Variants in GALNT2 observed in about 807,000 individuals in gnomAD.
The protein encoded by GALNT2 is UDP-GalNAc:polypeptide N-acetylgalactosaminyltransferase 2.
A neutral mutation model predicts 81.4 loss-of-function variants in GALNT2; 31 were observed. The observed-to-expected ratio is 0.38, with a 90% CI of 0.29 to 0.51. The LOEUF is 0.51. Ranked by LOEUF, GALNT2 falls within the 20% of genes least tolerant of loss-of-function variation. The pLI is 0.87. For missense variants in GALNT2, 629 were observed against 765.7 expected (o/e 0.82, Z 2.11); for synonymous variants, 303 against 287.4 (o/e 1.05, Z -0.55).
intron 3 of GALNT2, among the ~76,000 whole-genome samples, chr1:230,210,502 C>T (rs1056671143): frequency 2.0e-5 from 3 of 152,170 alleles, no homozygotes; most frequent in South Asian, 2.1e-4. Context: ...TTGTGTCTCA[C>T]GCTGAAATAC....
chr1:230,240,735 T>C (rs1289263022), intron 6 of GALNT2, among the ~76,000 whole-genome samples: 1 of 152,208 alleles, frequency 6.6e-6, no homozygotes, highest in African/African-American at 2.4e-5. Context: ...TGCTTCAAGT[T>C]TGCTGATGTA....
At chr1:230,241,249 C>A (rs1572126391) in intron 6 of GALNT2, among the ~76,000 whole-genome samples, 1 of 152,140 alleles carries the variant, frequency 6.6e-6, no homozygotes, top group East Asian at 1.9e-4. Flanking sequence ...TTTCCTGTTT[C>A]TTCTCATGTG....
chr1:230,125,324 A>G (rs1661140384), intron 1 of GALNT2, among the ~76,000 whole-genome samples: 1 of 152,218 alleles, frequency 6.6e-6, no homozygotes, highest in African/African-American at 2.4e-5. Flanking sequence ...TGTGGGGAGA[A>G]AGAAGGAATA....
chr1:230,275,610 TTATA>T lies in GALNT2; in HGVS notation c.1560+1049_1560+1052del, dbSNP rs1167064128. Among the ~76,000 whole-genome samples the T allele has an allele frequency of 6.7e-5, 10 of 149,350 alleles. No homozygotes were observed. In the South Asian group the frequency reaches 1.7e-3, roughly 25 times the overall value. On this transcript the variant is annotated intron_variant, in intron 15 of 15. Coordinates refer to ENST00000366672, the MANE Select transcript of GALNT2 (RefSeq NM_004481.5). This position sits in a 1 kb window ranked among gnomAD's most constrained non-coding sequence, Gnocchi z 5.5. The stretch of plus-strand genomic sequence containing the variant: ...ATATACATATAGATACATGCTACAT[TTATA>T]TAAACACCACATATATATACGCCAC...
At chr1:230,163,443 A>G (rs956161994) in intron 1 of GALNT2, among the ~76,000 whole-genome samples, 13 of 152,204 alleles carry the variant, frequency 8.5e-5, no homozygotes, top group Non-Finnish European at 1.9e-4. Context: ...TTCCAGCTGT[A>G]TGAGGGAGGT....
chr1:230,241,259 G>A (rs553710524), intron 6 of GALNT2, among the ~76,000 whole-genome samples: 32 of 152,140 alleles, frequency 2.1e-4, no homozygotes, highest in African/African-American at 7.5e-4. Flanking sequence ...CTTCTCATGT[G>A]TAGTGGTTTT....
intron 10 of GALNT2, among the ~76,000 whole-genome samples, chr1:230,252,903 G>C (rs1283453189): frequency 7.5e-6 from 1 of 133,262 alleles, no homozygotes; most frequent in Non-Finnish European, 1.5e-5. Context: ...CTGGAGTCCA[G>C]TGGCACATTC....
intron 7 of GALNT2, among the ~76,000 whole-genome samples, chr1:230,244,389 C>T (rs1419678034): frequency 6.6e-6 from 1 of 152,002 alleles, no homozygotes; most frequent in Non-Finnish European, 1.5e-5. Flanking sequence ...GCTTGCAAAG[C>T]CAGTTTCATT....
intron 15 of GALNT2, among the ~76,000 whole-genome samples, chr1:230,278,904 A>G (rs1306663356): frequency 6.6e-6 from 1 of 152,188 alleles, no homozygotes; most frequent in Non-Finnish European, 1.5e-5. Context: ...CTGGCCCTGC[A>G]TTGTGTGGAT....
At chr1:230,061,744 C>T (rs1270805808) in intron 1 of GALNT2, among the ~76,000 whole-genome samples, 2 of 152,122 alleles carry the variant, frequency 1.3e-5, no homozygotes, top group East Asian at 3.9e-4. Flanking sequence ...GTAACCAACT[C>T]AATTGTTTTC....
intron 14 of GALNT2, among the ~76,000 whole-genome samples, chr1:230,267,911 T>C (rs1387758142): frequency 3.3e-5 from 5 of 152,188 alleles, no homozygotes; most frequent in Non-Finnish European, 5.9e-5. Context: ...TCAGAGGTGA[T>C]GGAGGGCGCC....
chr1:230,129,184 A>G (rs72758292), intron 1 of GALNT2, among the ~76,000 whole-genome samples: 5 of 152,368 alleles, frequency 3.3e-5, no homozygotes, highest in African/African-American at 9.6e-5. Flanking sequence ...TGCTCAAAAT[A>G]GATTGTGTTG....
chr1:230,153,192 T>A (rs1357899435), intron 1 of GALNT2, among the ~76,000 whole-genome samples: 1 of 152,190 alleles, frequency 6.6e-6, no homozygotes, highest in Non-Finnish European at 1.5e-5. Flanking sequence ...GTCTGTGGAG[T>A]AGCTGAGACT....
chr1:230,081,461 T>A (rs1025130419), intron 1 of GALNT2, among the ~76,000 whole-genome samples: 2 of 151,212 alleles, frequency 1.3e-5, no homozygotes, highest in African/African-American at 4.9e-5. Context: ...TTTTTCAACA[T>A]CTTGAGCTGT....
At chr1:230,182,150 T>G (rs1032156409) in intron 2 of GALNT2, among the ~76,000 whole-genome samples, 8 of 152,018 alleles carry the variant, frequency 5.3e-5, no homozygotes, top group African/African-American at 1.9e-4. Flanking sequence ...TGGTTAGAGA[T>G]TCATTGATTT....
chr1:230,259,767 A>G (rs1357017986), intron 11 of GALNT2: 1 of 152,232 alleles, frequency 6.6e-6, no homozygotes, highest in Non-Finnish European at 1.5e-5. Flanking sequence ...CAGAAGCCTG[A>G]AAAGACATTA....
chr1:230,118,655 A>G (rs1264543991), intron 1 of GALNT2, among the ~76,000 whole-genome samples: 1 of 149,442 alleles, frequency 6.7e-6, no homozygotes, highest in Non-Finnish European at 1.5e-5. Context: ...AGCCTCAACT[A>G]TTTTTTGCCT....
intron 3 of GALNT2, among the ~76,000 whole-genome samples, chr1:230,208,484 G>T (rs1051078990): frequency 6.6e-6 from 1 of 152,210 alleles, no homozygotes; most frequent in Admixed American, 6.5e-5. Context: ...TGGGATATGT[G>T]TCTGGTGTTC....
At chr1:230,130,117 G>A (rs1215114571) in intron 1 of GALNT2, among the ~76,000 whole-genome samples, 1 of 152,196 alleles carries the variant, frequency 6.6e-6, no homozygotes. Flanking sequence ...CCATCACTGT[G>A]GAACTTTGTA....
Sources: allele counts gnomAD v4.1 joint callset (sites outside exome capture counted in the v4.1 genomes callset), GRCh38; gene constraint gnomAD v4.1.1; non-coding constraint Gnocchi (gnomAD v3.1); transcripts MANE v1.5; gene names NCBI Gene and HGNC (gene_info 2026-07-23, HGNC 2026-07-21).